Variants in C19orf25 observed in about 807,000 individuals in gnomAD.
The protein encoded by C19orf25 is chromosome 19 open reading frame 25, also known as UPF0449 protein C19orf25.
In C19orf25, 1 loss-of-function variant was observed where a neutral mutation model predicts 3.1. The ratio of observed to expected loss-of-function variants is 0.32; its 90% CI spans 0.12 to 1.54. The LOEUF (loss-of-function observed/expected upper bound fraction) is 1.54, where lower values mean the gene tolerates loss of function less well. Ranked by LOEUF, C19orf25 falls within the 40% of genes most tolerant of loss-of-function variation. The probability of loss-of-function intolerance (pLI) is 0.38; values close to 1 mark genes in which losing one functional copy is unlikely to be tolerated. For missense variants in C19orf25, 196 were observed against 160.4 expected, an observed-to-expected ratio of 1.22 and a Z score of -1.20; for synonymous variants, 91 against 74.3, an observed-to-expected ratio of 1.23 and a Z score of -1.16.
intron 2 of C19orf25, among the ~76,000 whole-genome samples, chr19:1,477,594 T>C (rs1295324767): frequency 1.3e-5 from 2 of 152,222 alleles, no homozygotes; most frequent in Non-Finnish European, 2.9e-5. Context: ...ACTCTGCCCT[T>C]CTGGTGTGAG....
At chr19:1,477,437 T>C (rs1324439510) in intron 2 of C19orf25, among the ~76,000 whole-genome samples, 4 of 152,230 alleles carry the variant, frequency 2.6e-5, no homozygotes, top group South Asian at 2.1e-4. Flanking sequence ...AAAAGGATTG[T>C]TGAATGAATG....
In C19orf25 at chr19:1,479,122, C is replaced by T. The variant is rs564292022; in HGVS notation, c.-3+41G>A. On this transcript the variant is annotated intron_variant, in intron 1 of 2. Coordinates refer to ENST00000585675, the MANE Select transcript of C19orf25 (RefSeq NM_152482.3). The stretch of plus-strand genomic sequence containing the variant: ...TCAGGGTCTGGCTCAACCTCTGCCT[C>T]AGTTTCCCCGCGGTCACCCCAGTCG... 3 of 1,317,988 alleles carry T rather than the reference C, an allele frequency of 2.3e-6. No homozygotes were observed. The South Asian group carries it at 6.4e-5, about 28-fold the overall frequency. 81.6% of individuals were successfully genotyped at this position (1,317,988 alleles called of 1,614,324 possible). A position where few individuals can be genotyped will look rare whatever the true frequency, so the allele number is the denominator to read the frequency against.
rs1035594622 is a variant in C19orf25 at position 1,479,196 on chromosome 19, A to C, written c.-36T>G. ...GGGACCCGAAAGCCCAGCGTCGACG[A>C]CGCAGCCACTTCCGATTCCGGTCGG... On this transcript the variant is annotated 5_prime_UTR_variant, in exon 1 of 3. Transcript: ENST00000585675. 1 of 1,254,306 alleles carries C rather than the reference A, an allele frequency of 8.0e-7. No individual in the cohort carries two copies. The highest frequency in any genetic ancestry group is 2.5e-5 in the South Asian group (1 of 40,182). The allele number at this position is 1,254,306 out of a possible 1,614,324, so 77.7% of individuals were successfully genotyped here.
chr19:1,478,786 G>C lies in C19orf25; in HGVS notation c.118C>G (p.Leu40Val), dbSNP rs750452559. ...APAEDPVFTI[L>V]APEDPPVPFR... ...GGGCTCCCCCTACCTTCCGGGGCCA[G>C]GATGGTGAACACTGGATCCTCTGCC... The change falls in exon 2 of 3, where the codon CTG becomes GTG. Residue 40 changes from leucine (L) to valine (V), a missense_variant. Leu to Val is a conservative substitution (Grantham distance 32). Coordinates refer to ENST00000585675, the MANE Select transcript of C19orf25 (RefSeq NM_152482.3). 2.1e-4 allele frequency: 328 copies of C among 1,577,582 alleles called. 5 individuals are homozygous for C. Among genetic ancestry groups the C allele is most frequent in the Non-Finnish European group, 1.9e-4 (225 of 1,162,542 alleles).
rs549355716 is a variant in C19orf25, at chr19:1,474,974, G to C, written c.*58C>G. 6.5e-7 allele frequency: 1 copy of C among 1,534,840 alleles called. No homozygotes were observed. Among genetic ancestry groups the C allele is most frequent in the African/African-American group, 1.4e-5 (1 of 73,146 alleles). ...CCAGTCTGGGGCCGACGGACCCCCA[G>C]GGAAAGCCTGGGTGCAGGCCACCTT... On this transcript the variant is annotated 3_prime_UTR_variant, in exon 3 of 3. Transcript: ENST00000585675.
chr19:1,475,438 T>C (rs2084195924), intron 2 of C19orf25, 180 bp from the exon 3 acceptor site: 1 of 631,186 alleles, frequency 1.6e-6, no homozygotes, highest in South Asian at 2.1e-5. Flanking sequence ...TCCAGCACTT[T>C]GGGAGGCCGA....
At chr19:1,479,052 C>T (rs1199098476) in intron 1 of C19orf25, 111 bp downstream of exon 1, 2 of 1,386,786 alleles carry the variant, frequency 1.4e-6, no homozygotes, top group East Asian at 2.9e-5. Flanking sequence ...GAGCTCGCCC[C>T]AGGCCCTGAC....
At position 1,478,651 on chromosome 19, in the gene C19orf25, G is replaced by T. The variant is rs1404516781; in HGVS notation, c.130+123C>A. On this transcript the variant is annotated intron_variant, in intron 2 of 2. Transcript: ENST00000585675. Reference sequence around the variant, plus strand: ...TAGAGGGAGACTCGGAGAGGATACGGACCGTGCCCATGTTGCGGGGGTTCC... The same window carrying T: ...TAGAGGGAGACTCGGAGAGGATACGTACCGTGCCCATGTTGCGGGGGTTCC... The T allele has an allele frequency of 6.0e-6, 9 of 1,500,306 alleles. No homozygotes were observed. The East Asian group carries it at 2.3e-4, about 38-fold the overall frequency. The allele number at this position is 1,500,306 out of a possible 1,614,324, so 92.9% of individuals were successfully genotyped here.
At chr19:1,476,572 C>T in intron 2 of C19orf25, 1 of 340,302 alleles carries the variant, frequency 2.9e-6, no homozygotes, top group Non-Finnish European at 5.3e-6. Flanking sequence ...GATGCTGGTC[C>T]ACACCAGCCA....
rs2145281260 is a variant in C19orf25 at position 1,473,297 on chromosome 19, T to C, written c.*1735A>G. 6.6e-6 allele frequency: 1 copy of C among 152,400 alleles called. No homozygotes were observed. Among genetic ancestry groups the C allele is most frequent in the East Asian group, 1.9e-4 (1 of 5,186 alleles). 9.4% of individuals were successfully genotyped at this position (152,400 alleles called of 1,614,324 possible). A position where few individuals can be genotyped will look rare whatever the true frequency, so the allele number is the denominator to read the frequency against. Reference sequence around the variant, plus strand: ...GGCTGTGGGCGGGTAGGTTCATCGCTGTCTATGTGCTGCCACAGAATTGCT... The same window carrying C: ...GGCTGTGGGCGGGTAGGTTCATCGCCGTCTATGTGCTGCCACAGAATTGCT... On this transcript the variant is annotated 3_prime_UTR_variant, in exon 3 of 3. Transcript: ENST00000585675.
intron 2 of C19orf25, among the ~76,000 whole-genome samples, chr19:1,478,166 G>C (rs1164739378): frequency 6.6e-6 from 1 of 152,104 alleles, no homozygotes; most frequent in African/African-American, 2.4e-5. Flanking sequence ...ACACAGTCTG[G>C]CTGTGTTGCC....
At position 1,473,967 on chromosome 19, in the gene C19orf25, A is replaced by G; in HGVS notation, c.*1065T>C. ...GCCCCCTTTCTTCAGGGAATAAGAAACATCTTCCACATTCAAGAAACAAAG... is the reference window on the plus strand; with the variant it reads ...GCCCCCTTTCTTCAGGGAATAAGAAGCATCTTCCACATTCAAGAAACAAAG... On this transcript the variant is annotated 3_prime_UTR_variant, in exon 3 of 3. Coordinates refer to ENST00000585675, the MANE Select transcript of C19orf25 (RefSeq NM_152482.3). 6.6e-6 allele frequency: 1 copy of G among 152,306 alleles called. No homozygotes were observed. Among genetic ancestry groups the G allele is most frequent in the East Asian group, 1.9e-4 (1 of 5,186 alleles). 9.4% of individuals were successfully genotyped at this position (152,306 alleles called of 1,614,324 possible).
rs368986584 is a variant in C19orf25 at position 1,475,145 on chromosome 19, C to T, written c.244G>A (p.Val82Met). Residue 82 changes from valine (V) to methionine (M), a missense_variant, in exon 3 of 3, where the codon GTG (valine) becomes ATG (methionine). Coordinates refer to ENST00000585675, the MANE Select transcript of C19orf25 (RefSeq NM_152482.3). ...ANQRLQQAGN[V>M]LRQRCELLQR... is the part of the protein sequence containing the mutation. Reference sequence around the variant, plus strand: ...AGGAGCTCACACCTCTGCCTCAGCACGTTGCCCGCCTGCTGCAGCCGCTGG... The same window carrying T: ...AGGAGCTCACACCTCTGCCTCAGCATGTTGCCCGCCTGCTGCAGCCGCTGG... 46 of 1,592,322 alleles carry T rather than the reference C, an allele frequency of 2.9e-5. No homozygotes were observed. Among genetic ancestry groups the T allele is most frequent in the South Asian group, 1.5e-4 (13 of 87,900 alleles).
chr19:1,478,791 G>GTGA lies in C19orf25; in HGVS notation c.110_112dup (p.Phe37_Thr38insIle), dbSNP rs779733577. ...CCCCCTACCTTCCGGGGCCAGGATGGTGAACACTGGATCCTCTGCCGGCGC... is the reference window on the plus strand; with the variant it reads ...CCCCCTACCTTCCGGGGCCAGGATGGTGATGAACACTGGATCCTCTGCCGGCGC... On this transcript the variant is annotated inframe_insertion, in exon 2 of 3. Transcript: ENST00000585675. The GTGA allele has an allele frequency of 1.9e-6, 3 of 1,579,576 alleles. No individual in the cohort carries two copies. Among genetic ancestry groups the GTGA allele is most frequent in the East Asian group, 4.7e-5 (2 of 42,800 alleles).
chr19:1,479,002 G>C (rs944455712), intron 1 of C19orf25, 97 bp from the exon 2 acceptor site: 1 of 1,423,338 alleles, frequency 7.0e-7, no homozygotes, highest in East Asian at 2.7e-5. Context: ...CACCCGTCGC[G>C]GTCCCGCTCC....
rs576216518 is a variant in C19orf25 at position 1,478,668 on chromosome 19, G to T, written c.130+106C>A. On this transcript the variant is annotated intron_variant, in intron 2 of 2. Transcript: ENST00000585675. Reference sequence around the variant, plus strand: ...AGGATACGGACCGTGCCCATGTTGCGGGGGTTCCCAGGGCGTGGGGTCAGG... The same window carrying T: ...AGGATACGGACCGTGCCCATGTTGCTGGGGTTCCCAGGGCGTGGGGTCAGG... 2.7e-6 allele frequency: 4 copies of T among 1,509,226 alleles called. No individual in the cohort carries two copies. The African/African-American group carries it at 5.6e-5, about 21-fold the overall frequency. 93.5% of individuals were successfully genotyped at this position (1,509,226 alleles called of 1,614,324 possible).
intron 2 of C19orf25, chr19:1,476,237 G>A (rs1037213886): frequency 1.3e-5 from 5 of 398,646 alleles, no homozygotes; most frequent in Admixed American, 4.4e-5. Flanking sequence ...GGTCTCCCAC[G>A]GACGAAGGCT....
chr19:1,476,256 C>T (rs138572038), intron 2 of C19orf25: 14 of 398,752 alleles, frequency 3.5e-5, no homozygotes, highest in Middle Eastern at 6.3e-4. Flanking sequence ...CTCCACGTGC[C>T]GCACGGGTCT....
chr19:1,476,303 G>T (rs1034836199), intron 2 of C19orf25: 2 of 398,632 alleles, frequency 5.0e-6, no homozygotes, highest in Non-Finnish European at 8.8e-6. Context: ...ACCTGCTTTA[G>T]CAACAGGGTG....
Sources: gnomAD v4.1 joint callset for allele counts (sites outside exome capture counted in the v4.1 genomes callset) on GRCh38, gnomAD v4.1.1 for gene constraint, MANE v1.5 for transcripts, NCBI Gene and HGNC (gene_info 2026-07-23, HGNC 2026-07-21) for gene names.